TBC1D19: variants seen among roughly 807,000 people sequenced by gnomAD.
TBC1D19 encodes the protein TBC1 domain family, member 19.
A neutral mutation model predicts 89.0 loss-of-function variants in TBC1D19; 60 were observed. The observed-to-expected ratio is 0.67, with a 90% CI of 0.55 to 0.84. The LOEUF is 0.84. TBC1D19 is among the 40% of genes least tolerant of loss of function. TBC1D19 has a pLI of 0.00. For synonymous variants in TBC1D19, 189 were observed against 199.7 expected (o/e 0.95, Z 0.45); for missense variants, 500 against 610.8 (o/e 0.82, Z 1.91).
the TBC1D19 span, among the ~76,000 whole-genome samples, chr4:26,763,436 T>C: frequency 6.6e-6 from 1 of 152,204 alleles, no homozygotes; most frequent in African/African-American, 2.4e-5. Context: ...ACCCAAACAT[T>C]CTATTGATCC....
At chr4:26,809,522 A>G in the TBC1D19 span, among the ~76,000 whole-genome samples, 2 of 152,090 alleles carry the variant, frequency 1.3e-5, no homozygotes, top group Middle Eastern at 3.4e-3. Context: ...TCTGGCTCTC[A>G]CCCTATTCCA....
chr4:26,653,120 T>C (rs1237011920), intron 7 of TBC1D19, among the ~76,000 whole-genome samples: 2 of 152,232 alleles, frequency 1.3e-5, no homozygotes, highest in African/African-American at 4.8e-5. Context: ...TTCATTTCGT[T>C]ATGTACCCAG....
At chr4:26,604,464 T>G (rs1343172458) in intron 1 of TBC1D19, among the ~76,000 whole-genome samples, 1 of 151,874 alleles carries the variant, frequency 6.6e-6, no homozygotes, top group African/African-American at 2.4e-5. Context: ...AATTTTCTTT[T>G]TAAGAGCTGA....
At chr4:26,652,778 C>T (rs892253824) in intron 7 of TBC1D19, among the ~76,000 whole-genome samples, 1 of 152,062 alleles carries the variant, frequency 6.6e-6, no homozygotes, top group African/African-American at 2.4e-5. Flanking sequence ...ATTAGTCTTG[C>T]TAGCGGTCTA....
intron 13 of TBC1D19, among the ~76,000 whole-genome samples, chr4:26,710,854 T>C (rs369608921): frequency 2.0e-4 from 30 of 152,184 alleles, no homozygotes; most frequent in Non-Finnish European, 3.8e-4. Flanking sequence ...TTCATATCCT[T>C]CGCCCACGTT....
chr4:26,842,591 T>TCTTTCTTC, the TBC1D19 span, among the ~76,000 whole-genome samples: 3 of 86,742 alleles, frequency 3.5e-5, no homozygotes, highest in Non-Finnish European at 7.2e-5. Context: ...TCCCTTTCTT[T>TCTTTCTTC]CTTTCTTTCT....
intron 8 of TBC1D19, 100 bp from the exon 9 acceptor site, chr4:26,666,233 T>A (rs1254031767): frequency 1.1e-6 from 1 of 914,802 alleles, no homozygotes; most frequent in Non-Finnish European, 1.7e-6. Flanking sequence ...CATTTCACAC[T>A]GTGATTTTTA....
chr4:26,593,141 A>C (rs951038958), intron 1 of TBC1D19, among the ~76,000 whole-genome samples: 5 of 152,328 alleles, frequency 3.3e-5, no homozygotes, highest in African/African-American at 1.2e-4. Flanking sequence ...CAAAACAGAG[A>C]TATAGACCAA....
At chr4:26,697,074 T>A (rs1714854436) in intron 13 of TBC1D19, among the ~76,000 whole-genome samples, 1 of 152,040 alleles carries the variant, frequency 6.6e-6, no homozygotes, top group African/African-American at 2.4e-5. Flanking sequence ...CAGGAGCTGG[T>A]TTTTTGAAAA....
the TBC1D19 span, among the ~76,000 whole-genome samples, chr4:26,836,740 C>G: frequency 2.6e-5 from 4 of 152,322 alleles, no homozygotes; most frequent in East Asian, 7.7e-4. Flanking sequence ...CAGGCAGAGG[C>G]AGCAGCTTTC....
Position 26,620,623 on chromosome 4 carries a change from C to T in TBC1D19, c.229C>T (p.Pro77Ser). 1 of 1,613,614 alleles carries T rather than the reference C, an allele frequency of 6.2e-7. No individual in the cohort carries two copies. Among genetic ancestry groups the T allele is most frequent in the Non-Finnish European group, 8.5e-7 (1 of 1,179,784 alleles). Residue 77 changes from proline to serine, a missense_variant, in exon 4 of 21, where the codon CCT (proline) becomes TCT (serine). Around this residue, in one of 2 missense-constraint regions of TBC1D19, gnomAD observed 280 missense variants for 291.7 expected, o/e 0.96. Transcript: ENST00000264866. Reference protein sequence around the residue: ...VYSELSVFPLPSHPAAPPEHL... With the variant: ...VYSELSVFPLSSHPAAPPEHL... ...TCTTTTTGCTCCTAGGTTTCCTTTA[C>T]CTAGTCATCCTGCTGCACCTCCTGA...
chr4:26,714,887 G>C (rs1402729807), intron 13 of TBC1D19, among the ~76,000 whole-genome samples: 1 of 151,960 alleles, frequency 6.6e-6, no homozygotes, highest in Non-Finnish European at 1.5e-5. Context: ...GAGCATCATG[G>C]TAAATCCACC....
the TBC1D19 span, among the ~76,000 whole-genome samples, chr4:26,793,101 G>A: frequency 6.6e-6 from 1 of 152,182 alleles, no homozygotes; most frequent in Non-Finnish European, 1.5e-5. Context: ...ACCAAGTAAT[G>A]TGGAAGTTGC....
intron 19 of TBC1D19, among the ~76,000 whole-genome samples, chr4:26,752,349 A>G (rs765071684): frequency 1.3e-5 from 2 of 151,212 alleles, no homozygotes; most frequent in South Asian, 2.1e-4. Context: ...GGCTCAAGCA[A>G]TCCTCTGCGT....
At chr4:26,838,895 A>C in the TBC1D19 span, among the ~76,000 whole-genome samples, 4 of 152,316 alleles carry the variant, frequency 2.6e-5, no homozygotes, top group South Asian at 4.1e-4. Context: ...GTTAAACCCC[A>C]ACCTAAATAT....
At chr4:26,748,827 T>C (rs1041106277) in intron 19 of TBC1D19, among the ~76,000 whole-genome samples, 1 of 152,116 alleles carries the variant, frequency 6.6e-6, no homozygotes, top group African/African-American at 2.4e-5. Context: ...CCAACACCTA[T>C]GAGGTCTGTG....
intron 4 of TBC1D19, among the ~76,000 whole-genome samples, chr4:26,636,480 C>A (rs1433121258): frequency 6.8e-5 from 6 of 87,680 alleles, no homozygotes; most frequent in East Asian, 3.3e-4. Context: ...TCAAGAAAGT[C>A]AGTATCATAA....
the TBC1D19 span, among the ~76,000 whole-genome samples, chr4:26,769,943 A>G: frequency 6.6e-6 from 1 of 152,122 alleles, no homozygotes; most frequent in African/African-American, 2.4e-5. Context: ...TCAAACAACC[A>G]CTAAAATAAA....
intron 7 of TBC1D19, among the ~76,000 whole-genome samples, chr4:26,658,036 G>T (rs1577890769): frequency 6.6e-6 from 1 of 152,200 alleles, no homozygotes; most frequent in African/African-American, 2.4e-5. Flanking sequence ...TCTGTAGGTT[G>T]CCTGTTCACT....
Sources: gnomAD v4.1 joint callset for allele counts (sites outside exome capture counted in the v4.1 genomes callset) on GRCh38, gnomAD v4.1.1 for gene constraint, gnomAD v4.1.1 regional missense constraint, MANE v1.5 for transcripts, NCBI Gene and HGNC (gene_info 2026-07-23, HGNC 2026-07-21) for gene names.